Variants in TOGARAM1 observed in about 807,000 individuals in gnomAD.
The protein encoded by TOGARAM1 is TOG array regulator of axonemal microtubules 1.
In TOGARAM1, 100 loss-of-function variants were observed where a neutral mutation model predicts 166.6. That is an observed-to-expected ratio of 0.60 (90% CI 0.51 to 0.71). The LOEUF is 0.71. Among genes scored for constraint, TOGARAM1 ranks in the 30% least tolerant of loss-of-function variants. The pLI is 0.00. For synonymous variants in TOGARAM1, 758 were observed against 763.8 expected (o/e 0.99, Z 0.13); for missense variants, 2,029 against 2,102.7 (o/e 0.96, Z 0.69).
intron 1 of TOGARAM1, among the ~76,000 whole-genome samples, chr14:44,991,011 G>A (rs1031653464): frequency 5.1e-5 from 7 of 136,700 alleles, no homozygotes; most frequent in African/African-American, 2.0e-4. Flanking sequence ...CCAAGCTAGA[G>A]TGCTGTGGCA....
Position 44,986,953 on chromosome 14 carries a change from C to T in TOGARAM1, c.2047-8793C>T, listed in dbSNP as rs1359494763. On this transcript the variant is annotated intron_variant, in intron 1 of 19. Transcript: ENST00000361462. ...CCCAGGAGGCGAGCTTGCAGTGAAC[C>T]GAGATTGCGCCACTGCACTCCAGCC... Among the ~76,000 whole-genome samples the T allele has an allele frequency of 4.1e-5, 6 of 147,524 alleles. No individual in the cohort carries two copies. The South Asian group carries it at 1.1e-3, about 26-fold the overall frequency.
chr14:45,032,147 G>C, intron 10 of TOGARAM1, 76 bp from the exon 11 acceptor site: 1 of 1,333,366 alleles, frequency 7.5e-7, no homozygotes, highest in South Asian at 1.4e-5. Context: ...GCAACACAGC[G>C]AGACTCCATC....
rs147109533 is a variant in TOGARAM1, at chr14:45,006,054, G to A, written c.2691G>A (p.Leu897=). The A allele has an allele frequency of 6.2e-7, 1 of 1,612,730 alleles. No homozygotes were observed. Among genetic ancestry groups the A allele is most frequent in the African/African-American group, 1.3e-5 (1 of 74,894 alleles). The change falls in exon 5 of 20, where the codon TTG becomes TTA. Residue 897 remains leucine, a synonymous_variant. Transcript: ENST00000361462. ...CTCCAGTTCAGCTTACACCTGCCTT[G>A]GTGAGATCGCCATCTTCCCGACGAG... ...EKPPVQLTPA[L]VRSPSSRRGL... is the part of the protein sequence containing the mutation.
intron 7 of TOGARAM1, among the ~76,000 whole-genome samples, chr14:45,017,406 AACACACACACACACAC>A (rs113544622): frequency 1.4e-5 from 2 of 145,136 alleles, no homozygotes; most frequent in African/African-American, 5.0e-5. Context: ...ATGCACACAA[AACACACACACACACAC>A]ACACACACAC....
intron 16 of TOGARAM1, 119 bp from the exon 17 acceptor site, chr14:45,066,459 T>G (rs1467539644): frequency 1.1e-6 from 1 of 894,026 alleles, no homozygotes; most frequent in Non-Finnish European, 1.6e-6. Flanking sequence ...TAGCCACAGT[T>G]TTTTGCATTT....
intron 16 of TOGARAM1, among the ~76,000 whole-genome samples, chr14:45,060,926 A>G (rs1386637321): frequency 6.6e-6 from 1 of 152,146 alleles, no homozygotes; most frequent in South Asian, 2.1e-4. Flanking sequence ...TTTATAGTTA[A>G]TAGATATCTT....
At chr14:45,060,338 C>G (rs959669154) in intron 16 of TOGARAM1, among the ~76,000 whole-genome samples, 2 of 151,742 alleles carry the variant, frequency 1.3e-5, no homozygotes, top group Non-Finnish European at 2.9e-5. Flanking sequence ...GCCTTGGCCT[C>G]CTAAGTAGCC....
chr14:44,972,231 T>G (rs1885926024), intron 1 of TOGARAM1, among the ~76,000 whole-genome samples: 1 of 152,098 alleles, frequency 6.6e-6, no homozygotes, highest in African/African-American at 2.4e-5. Flanking sequence ...AGAGCAAATA[T>G]TGTATGATTT....
At chr14:45,029,842 G>C (rs899290060) in intron 10 of TOGARAM1, among the ~76,000 whole-genome samples, 4 of 151,870 alleles carry the variant, frequency 2.6e-5, no homozygotes, top group Non-Finnish European at 2.9e-5. Flanking sequence ...TTTTTTTTGA[G>C]ATGGAGTTTT....
At chr14:44,974,117 T>G (rs1355714947) in intron 1 of TOGARAM1, among the ~76,000 whole-genome samples, 2 of 151,954 alleles carry the variant, frequency 1.3e-5, no homozygotes, top group South Asian at 2.1e-4. Flanking sequence ...TTCTTTTCTA[T>G]ATTCTCTTCC....
chr14:44,962,445 G>C lies in TOGARAM1; in HGVS notation c.24G>C (p.Leu8=), dbSNP rs748815421. 2 of 1,574,404 alleles carry C rather than the reference G, an allele frequency of 1.3e-6. No individual in the cohort carries two copies. The highest frequency in any genetic ancestry group is 1.7e-6 in the Non-Finnish European group (2 of 1,161,046). MAAAPSA[L]LLLPPFPVLS... ...GCATGGCGGCTGCCCCCTCCGCGCT[G>C]CTTCTGCTGCCGCCCTTTCCAGTCC... Residue 8 remains leucine (L), a synonymous_variant, in exon 1 of 20, where the codon CTG becomes CTC. Transcript: ENST00000361462.
intron 7 of TOGARAM1, among the ~76,000 whole-genome samples, chr14:45,017,927 A>G (rs1400799719): frequency 6.6e-6 from 1 of 152,176 alleles, no homozygotes; most frequent in African/African-American, 2.4e-5. Flanking sequence ...GTTTTTTTAA[A>G]CTTAGTAGCA....
intron 15 of TOGARAM1, among the ~76,000 whole-genome samples, chr14:45,053,180 A>T (rs1882463999): frequency 1.3e-5 from 2 of 152,026 alleles, no homozygotes; most frequent in South Asian, 4.2e-4. Flanking sequence ...CTGGGATTAC[A>T]GGTGCCCACC....
intron 5 of TOGARAM1, chr14:45,007,033 T>C (rs1351667461): frequency 1.3e-5 from 2 of 152,140 alleles, no homozygotes; most frequent in African/African-American, 4.8e-5. Context: ...CATAGATGCC[T>C]CCTTTTTATC....
intron 11 of TOGARAM1, among the ~76,000 whole-genome samples, chr14:45,042,689 A>G (rs989282348): frequency 2.0e-5 from 3 of 152,182 alleles, no homozygotes; most frequent in African/African-American, 7.2e-5. Context: ...TAATAAGTGC[A>G]CAGTAGTATT....
At chr14:45,012,784 T>C (rs1161419659) in intron 7 of TOGARAM1, among the ~76,000 whole-genome samples, 1 of 152,206 alleles carries the variant, frequency 6.6e-6, no homozygotes, top group Non-Finnish European at 1.5e-5. Flanking sequence ...CCTAAAAAAC[T>C]GTATATGTAT....
intron 1 of TOGARAM1, among the ~76,000 whole-genome samples, chr14:44,992,966 G>A (rs1887226362): frequency 6.6e-6 from 1 of 151,416 alleles, no homozygotes; most frequent in Admixed American, 6.6e-5. Context: ...CAAATAGAAA[G>A]ACTAAGAGAT....
chr14:44,999,574 A>T, intron 3 of TOGARAM1, 77 bp downstream of exon 3: 1 of 1,289,018 alleles, frequency 7.8e-7, no homozygotes. Context: ...CTTATATGAT[A>T]TTTTGTGTAC....
chr14:45,073,558 A>T lies in TOGARAM1; in HGVS notation c.5319A>T (p.Leu1773Phe). Reference protein sequence around the residue: ...ELLDMTILNEL With the variant: ...ELLDMTILNEF The stretch of plus-strand genomic sequence containing the variant: ...TCGATATGACAATTTTAAATGAATT[A>T]TGAATCTTCGATAAAATACTGTATG... Residue 1773 changes from leucine to phenylalanine, a missense_variant, in exon 20 of 20, where the codon TTA becomes TTT. Physicochemically the swap from Leu to Phe is conservative, Grantham distance 22. Around this residue, in one of 2 missense-constraint regions of TOGARAM1, gnomAD observed 576 missense variants for 670.5 expected, o/e 0.86. Coordinates refer to ENST00000361462, the MANE Select transcript of TOGARAM1 (RefSeq NM_001308120.2). The T allele has an allele frequency of 1.9e-6, 3 of 1,611,604 alleles. No homozygotes were observed. The highest frequency in any genetic ancestry group is 2.5e-6 in the Non-Finnish European group (3 of 1,178,874).
Sources: gnomAD v4.1 joint callset for allele counts (sites outside exome capture counted in the v4.1 genomes callset) on GRCh38, gnomAD v4.1.1 for gene constraint, gnomAD v4.1.1 regional missense constraint, MANE v1.5 for transcripts, NCBI Gene and HGNC (gene_info 2026-07-23, HGNC 2026-07-21) for gene names.